Variants in CASD1 observed in about 807,000 individuals in gnomAD.
CASD1 encodes the protein N-acetylneuraminate (7)9-O-acetyltransferase.
A neutral mutation model predicts 100.0 loss-of-function variants in CASD1; 41 were observed. The observed-to-expected ratio is 0.41, with a 90% CI of 0.32 to 0.53. The LOEUF (loss-of-function observed/expected upper bound fraction) is 0.53, where lower values mean the gene tolerates loss of function less well. Ranked by LOEUF, CASD1 falls within the 20% of genes least tolerant of loss-of-function variation. The probability of loss-of-function intolerance (pLI) is 0.25; values close to 1 mark genes in which losing one functional copy is unlikely to be tolerated. For synonymous variants in CASD1, 321 were observed against 315.6 expected (o/e 1.02, Z -0.18); for missense variants, 774 against 948.7 (o/e 0.82, Z 2.42).
the CASD1 span, chr7:94,618,016 C>T: frequency 6.6e-6 from 1 of 152,162 alleles, no homozygotes; most frequent in African/African-American, 2.4e-5. Flanking sequence ...GCAAATCTGC[C>T]TCAACCTACA....
Position 94,555,625 on chromosome 7 carries a change from A to G in CASD1, c.2261A>G (p.Gln754Arg). Residue 754 changes from glutamine (Q) to arginine (R), a missense_variant, in exon 18 of 18, where the codon CAG (glutamine) becomes CGG (arginine). By Grantham distance (43) the Gln-to-Arg change is conservative. Transcript: ENST00000297273. ...IFVCVAHEIS[Q>R]ITNDLAQIII... ...GTTTGTGTGGCACATGAAATTTCTC[A>G]GATCACTAATGATCTTGCACAGATT... The G allele has an allele frequency of 1.9e-6, 3 of 1,613,598 alleles. No homozygotes were observed. The highest frequency in any genetic ancestry group is 2.5e-6 in the Non-Finnish European group (3 of 1,179,682).
rs1794932580 is a variant in CASD1, at chr7:94,533,152, A to T, written c.460-53A>T. 4.2e-5 allele frequency: 53 copies of T among 1,253,558 alleles called. 1 individual carries two copies. In the South Asian group the frequency reaches 7.4e-4, roughly 18 times the overall value. 77.7% of individuals were successfully genotyped at this position (1,253,558 alleles called of 1,614,324 possible). A position where few individuals can be genotyped will look rare whatever the true frequency, so the allele number is the denominator to read the frequency against. On this transcript the variant is annotated intron_variant, in intron 5 of 17. Transcript: ENST00000297273. Reference sequence around the variant, plus strand: ...AAAAAAATTAAATGATGTTACTTGTAGTAATTCCCTGAACTGATTATAATA... The same window carrying T: ...AAAAAAATTAAATGATGTTACTTGTTGTAATTCCCTGAACTGATTATAATA...
chr7:94,618,576 A>G, the CASD1 span: 1 of 580,144 alleles, frequency 1.7e-6, no homozygotes, highest in Non-Finnish European at 3.0e-6. Context: ...TTGAGATATA[A>G]AAAACCACTA....
intron 11 of CASD1, 51 bp from the exon 12 acceptor site, chr7:94,545,494 G>A (rs895399246): frequency 6.9e-7 from 1 of 1,449,078 alleles, no homozygotes; most frequent in Non-Finnish European, 9.6e-7. Context: ...TGTGTACCTA[G>A]AATGAAAACA....
intron 3 of CASD1, among the ~76,000 whole-genome samples, chr7:94,526,467 A>G (rs1477574308): frequency 1.3e-5 from 2 of 152,216 alleles, no homozygotes; most frequent in African/African-American, 4.8e-5. Context: ...CAGAAAATGA[A>G]GGGAAGCAGT....
chr7:94,612,679 A>G, the CASD1 span, among the ~76,000 whole-genome samples: 2 of 152,336 alleles, frequency 1.3e-5, no homozygotes, highest in East Asian at 3.9e-4. Context: ...TTTTTATGAC[A>G]GTTGACACAT....
At chr7:94,586,985 T>C in the CASD1 span, 3 of 984,314 alleles carry the variant, frequency 3.0e-6, no homozygotes, top group African/African-American at 3.5e-5. Flanking sequence ...ATGATCCAAA[T>C]TGCAGAAAAA....
chr7:94,545,428 A>G (rs1795627300), intron 11 of CASD1, 117 bp from the exon 12 acceptor site: 2 of 658,922 alleles, frequency 3.0e-6, no homozygotes, highest in Admixed American at 2.6e-5. Context: ...TTGTACAGTC[A>G]TTATTGAGTC....
chr7:94,539,096 G>T, intron 10 of CASD1, 40 bp downstream of exon 10: 1 of 1,240,698 alleles, frequency 8.1e-7, no homozygotes. Flanking sequence ...TATAGGAAGT[G>T]ATGTCATTTT....
chr7:94,627,611 A>G, the CASD1 span: 5 of 152,558 alleles, frequency 3.3e-5, no homozygotes, highest in Non-Finnish European at 7.3e-5. Context: ...TCCTCCGCCC[A>G]AGATGGCCTT....
intron 7 of CASD1, among the ~76,000 whole-genome samples, chr7:94,534,859 T>C (rs1297042020): frequency 6.6e-6 from 1 of 152,144 alleles, no homozygotes. Flanking sequence ...ACCTTGAGCC[T>C]CAATAATATT....
intron 11 of CASD1, among the ~76,000 whole-genome samples, chr7:94,545,098 C>A (rs1240493992): frequency 6.6e-6 from 1 of 152,096 alleles, no homozygotes; most frequent in African/African-American, 2.4e-5. Flanking sequence ...GTCCCAAAGA[C>A]ATTTTTAACT....
At chr7:94,559,080 G>A (rs1056680103), downstream of CASD1, among the ~76,000 whole-genome samples, 3 of 152,216 alleles carry the variant, frequency 2.0e-5, no homozygotes, top group Middle Eastern at 3.4e-3. Context: ...GATTACAGGC[G>A]TGAGCCACTG....
chr7:94,531,355 G>C (rs570489531), intron 5 of CASD1, among the ~76,000 whole-genome samples: 7 of 152,264 alleles, frequency 4.6e-5, no homozygotes, highest in Non-Finnish European at 8.8e-5. Context: ...GTCAGAGGAA[G>C]ATAGCTGGGG....
downstream of CASD1, among the ~76,000 whole-genome samples, chr7:94,558,178 A>T (rs1562953512): frequency 2.0e-5 from 3 of 152,174 alleles, no homozygotes; most frequent in African/African-American, 7.2e-5. Flanking sequence ...TTAAAAATTC[A>T]GCCCATCTAA....
chr7:94,564,164 A>G, the CASD1 span, among the ~76,000 whole-genome samples: 3 of 152,218 alleles, frequency 2.0e-5, no homozygotes, highest in Non-Finnish European at 4.4e-5. Flanking sequence ...TAGAATGGAA[A>G]GAACACATTC....
chr7:94,562,518 A>G, the CASD1 span, among the ~76,000 whole-genome samples: 6 of 152,278 alleles, frequency 3.9e-5, no homozygotes, highest in South Asian at 4.1e-4. Context: ...TGCTCACGAA[A>G]TGTCCCTATA....
chr7:94,561,926 AGT>A (rs1796345571), downstream of CASD1, among the ~76,000 whole-genome samples: 3 of 152,200 alleles, frequency 2.0e-5, no homozygotes, highest in Admixed American at 2.0e-4. Flanking sequence ...CCGCCTGGAC[AGT>A]AACTTCCTGA....
At chr7:94,612,254 TG>T in the CASD1 span, among the ~76,000 whole-genome samples, 26 of 152,290 alleles carry the variant, frequency 1.7e-4, no homozygotes, top group African/African-American at 5.5e-4. Flanking sequence ...TGCTTTGAAA[TG>T]TTTTTTTTCT....
Sources: gnomAD v4.1 joint callset for allele counts (sites outside exome capture counted in the v4.1 genomes callset) on GRCh38, gnomAD v4.1.1 for gene constraint, MANE v1.5 for transcripts, NCBI Gene and HGNC (gene_info 2026-07-23, HGNC 2026-07-21) for gene names.